Variants in COL15A1 observed in about 807,000 individuals in gnomAD.
COL15A1 encodes the protein collagen type XV alpha 1 chain.
A neutral mutation model predicts 165.9 loss-of-function variants in COL15A1; 111 were observed. That is an observed-to-expected ratio of 0.67 (90% CI 0.57 to 0.78). COL15A1 has a LOEUF of 0.78. Ranked by LOEUF, COL15A1 falls within the 30% of genes least tolerant of loss-of-function variation. COL15A1 has a pLI of 0.00. For synonymous variants in COL15A1, 659 were observed against 674.8 expected (o/e 0.98, Z 0.36); for missense variants, 1,745 against 1,789.7 (o/e 0.98, Z 0.45).
At position 98,997,017 on chromosome 9, in the gene COL15A1, T is replaced by C; in HGVS notation, c.888T>C (p.Pro296=). 1 of 1,614,204 alleles carries C rather than the reference T, an allele frequency of 6.2e-7. No homozygotes were observed. The highest frequency in any genetic ancestry group is 8.5e-7 in the Non-Finnish European group (1 of 1,180,038). Residue 296 remains proline (P), a synonymous_variant, in exon 6 of 42, where the codon CCT becomes CCC. Coordinates refer to ENST00000375001, the MANE Select transcript of COL15A1 (RefSeq NM_001855.5). ...PFEDMELSGE[P]VPEGTLETTN... ...AAGACATGGAACTTTCTGGTGAACC[T>C]GTACCCGAGGGGACCCTGGAAACCA...
intron 40 of COL15A1, among the ~76,000 whole-genome samples, chr9:99,067,275 G>T (rs80328464): frequency 1.3e-5 from 2 of 152,194 alleles, no homozygotes; most frequent in Non-Finnish European, 2.9e-5. Flanking sequence ...TGCAGGAGGA[G>T]AGATAGTGAT....
intron 5 of COL15A1, among the ~76,000 whole-genome samples, chr9:98,994,683 G>A (rs1168981901): frequency 6.6e-6 from 1 of 152,180 alleles, no homozygotes; most frequent in Non-Finnish European, 1.5e-5. Flanking sequence ...CTGGAAATAT[G>A]TGCAGAATGA....
At chr9:99,042,354 G>A (rs1158057539) in intron 24 of COL15A1, among the ~76,000 whole-genome samples, 6 of 152,038 alleles carry the variant, frequency 3.9e-5, no homozygotes, top group African/African-American at 7.3e-5. Flanking sequence ...ACTTATTAGC[G>A]GTCACTCTCC....
In COL15A1 at chr9:99,024,957, A is replaced by G. The variant is rs144808362; in HGVS notation, c.1938A>G (p.Gly646=). 7.4e-4 allele frequency: 1,201 copies of G among 1,613,904 alleles called. 1 individual carries two copies. The highest frequency in any genetic ancestry group is 9.6e-4 in the Non-Finnish European group (1,137 of 1,179,852). ...CTGATGTTTTCATGGGACCCCCTGGATCTCCTGGAGAGGATGGACCTGCTG... is the reference window on the plus strand; with the variant it reads ...CTGATGTTTTCATGGGACCCCCTGGGTCTCCTGGAGAGGATGGACCTGCTG... ...PGTDVFMGPP[G]SPGEDGPAGE... The change falls in exon 15 of 42, where the codon GGA becomes GGG. Residue 646 remains glycine (G), a synonymous_variant. Transcript: ENST00000375001.
chr9:98,992,727 G>T (rs2118912586), intron 5 of COL15A1, among the ~76,000 whole-genome samples: 1 of 152,350 alleles, frequency 6.6e-6, no homozygotes, highest in East Asian at 1.9e-4. Context: ...CAGCCCCATT[G>T]TGCAGATTCA....
At chr9:98,992,307 T>C (rs1229967200) in intron 5 of COL15A1, among the ~76,000 whole-genome samples, 1 of 152,230 alleles carries the variant, frequency 6.6e-6, no homozygotes, top group Non-Finnish European at 1.5e-5. Flanking sequence ...CGGTCGGCAG[T>C]GCTGGGGGAC....
intron 4 of COL15A1, 108 bp from the exon 5 acceptor site, chr9:98,989,064 ACGGTTT>A: frequency 1.4e-6 from 1 of 726,080 alleles, no homozygotes; most frequent in Non-Finnish European, 2.4e-6. Flanking sequence ...ACACACACAC[ACGGTTT>A]CCCTGTAGGA....
chr9:98,992,091 G>A (rs978614523), intron 5 of COL15A1, among the ~76,000 whole-genome samples: 16 of 152,240 alleles, frequency 1.1e-4, no homozygotes, highest in Non-Finnish European at 2.2e-4. Flanking sequence ...CAGGTGGAGC[G>A]GCCTGCCAGT....
Position 98,985,678 on chromosome 9 carries a change from G to A in COL15A1, c.214G>A (p.Gly72Ser), listed in dbSNP as rs1838297718. 1 of 1,614,132 alleles carries A rather than the reference G, an allele frequency of 6.2e-7. No individual in the cohort carries two copies. The highest frequency in any genetic ancestry group is 8.5e-7 in the Non-Finnish European group (1 of 1,180,064). ...CTTCCCGGCCTACAGTTTCGGGCCTGGTGCCAATGTTGGCCGCCCAGCCAG... is the reference window on the plus strand; with the variant it reads ...CTTCCCGGCCTACAGTTTCGGGCCTAGTGCCAATGTTGGCCGCCCAGCCAG... ...GGFPAYSFGP[G>S]ANVGRPARTL... The change falls in exon 3 of 42, where the codon GGT (glycine) becomes AGT (serine). Residue 72 changes from glycine to serine, a missense_variant. Transcript: ENST00000375001.
chr9:99,012,259 C>T (rs1838857908), intron 9 of COL15A1, among the ~76,000 whole-genome samples: 1 of 152,204 alleles, frequency 6.6e-6, no homozygotes, highest in Non-Finnish European at 1.5e-5. Flanking sequence ...AAGCCATTGT[C>T]ATACCTTGTA....
chr9:99,020,324 GA>G, intron 11 of COL15A1, 64 bp from the exon 12 acceptor site: 1 of 1,185,660 alleles, frequency 8.4e-7, no homozygotes. Flanking sequence ...AATGTCATCG[GA>G]ACTCAGCAGC....
intron 4 of COL15A1, among the ~76,000 whole-genome samples, chr9:98,987,757 G>A (rs182224005): frequency 6.6e-5 from 10 of 152,340 alleles, no homozygotes; most frequent in African/African-American, 2.4e-4. Flanking sequence ...CCTAAGCTGG[G>A]GATGGAGTGG....
intron 2 of COL15A1, among the ~76,000 whole-genome samples, chr9:98,972,884 C>A (rs1838083852): frequency 6.6e-6 from 1 of 152,196 alleles, no homozygotes; most frequent in African/African-American, 2.4e-5. Context: ...GCTTGAAAGG[C>A]AATGGGCTGT....
intron 5 of COL15A1, among the ~76,000 whole-genome samples, chr9:98,990,324 G>A (rs1033849274): frequency 6.6e-6 from 1 of 152,214 alleles, no homozygotes; most frequent in African/African-American, 2.4e-5. Context: ...CATCCATGGG[G>A]TCATGGCCTG....
chr9:99,040,385 C>A, intron 22 of COL15A1, 136 bp from the exon 23 acceptor site: 1 of 1,432,360 alleles, frequency 7.0e-7, no homozygotes, highest in Non-Finnish European at 9.7e-7. Context: ...CCCTTCTTCC[C>A]TAATGCTGTG....
At chr9:98,994,714 G>A (rs929460827) in intron 5 of COL15A1, among the ~76,000 whole-genome samples, 2 of 152,140 alleles carry the variant, frequency 1.3e-5, no homozygotes, top group African/African-American at 4.8e-5. Context: ...TTGTGTGGAC[G>A]TGAGCCTGGA....
chr9:99,060,567 TG>T (rs1452595200), intron 36 of COL15A1, among the ~76,000 whole-genome samples: 1 of 151,620 alleles, frequency 6.6e-6, no homozygotes, highest in Non-Finnish European at 1.5e-5. Context: ...CCACCACGCC[TG>T]GCCACCAATA....
chr9:99,011,637 T>G (rs1245566359), intron 9 of COL15A1, among the ~76,000 whole-genome samples: 1 of 152,096 alleles, frequency 6.6e-6, no homozygotes, highest in Non-Finnish European at 1.5e-5. Flanking sequence ...AAACACACTT[T>G]TTTTTAGAAA....
At chr9:99,027,015 C>G (rs1001382418) in intron 16 of COL15A1, among the ~76,000 whole-genome samples, 1 of 152,208 alleles carries the variant, frequency 6.6e-6, no homozygotes, top group African/African-American at 2.4e-5. Context: ...CTGCCTTCAT[C>G]CTCTTCATTC....
Sources: allele counts gnomAD v4.1 joint callset (sites outside exome capture counted in the v4.1 genomes callset), GRCh38; gene constraint gnomAD v4.1.1; transcripts MANE v1.5; gene names NCBI Gene and HGNC (gene_info 2026-07-23, HGNC 2026-07-21).